KREMEN1: variants seen among roughly 807,000 people sequenced by gnomAD.
The protein encoded by KREMEN1 is kringle containing transmembrane protein 1, also known as kremen protein 1.
KREMEN1 carries 30 observed loss-of-function variants against 46.5 expected under a neutral mutation model. The observed-to-expected ratio is 0.65, with a 90% CI of 0.48 to 0.88. KREMEN1 has a LOEUF of 0.88. Among genes scored for constraint, KREMEN1 ranks in the 40% least tolerant of loss-of-function variants. The pLI, the probability that KREMEN1 is intolerant of heterozygous loss-of-function variation, is 0.00. For missense variants in KREMEN1, 533 were observed against 596.9 expected, an observed-to-expected ratio of 0.89 and a Z score of 1.11; for synonymous variants, 214 against 230.6, an observed-to-expected ratio of 0.93 and a Z score of 0.65.
chr22:29,117,640 C>T (rs1234477626), intron 3 of KREMEN1, among the ~76,000 whole-genome samples: 2 of 151,906 alleles, frequency 1.3e-5, no homozygotes, highest in African/African-American at 4.8e-5. Flanking sequence ...TAACTCTCAG[C>T]TGACCTAGAA....
chr22:29,115,519 A>G lies in KREMEN1; in HGVS notation c.353-5838A>G, dbSNP rs189148126. ...CACAGGAAGTGCTTGTTCATTCAGC[A>G]TATAGTCCTAGAGCACCTGCTTTGT... On this transcript the variant is annotated intron_variant, in intron 3 of 8. Coordinates refer to ENST00000400335, the MANE Select transcript of KREMEN1 (RefSeq NM_001039570.3). 8.1e-4 allele frequency among the ~76,000 whole-genome samples: 123 copies of G among 152,262 alleles called. 1 individual carries two copies. The highest frequency in any genetic ancestry group is 2.8e-3 in the African/African-American group (115 of 41,540).
At chr22:29,147,680 C>T (rs1350567321), downstream of KREMEN1, among the ~76,000 whole-genome samples, 1 of 152,158 alleles carries the variant, frequency 6.6e-6, no homozygotes, top group Non-Finnish European at 1.5e-5. Flanking sequence ...GGGGTAAGAC[C>T]GAGGGCAAGG....
At chr22:29,118,533 A>G (rs1025359275) in intron 3 of KREMEN1, among the ~76,000 whole-genome samples, 3 of 152,156 alleles carry the variant, frequency 2.0e-5, no homozygotes, top group African/African-American at 7.2e-5. Flanking sequence ...CTGGTGACTC[A>G]GTGCCTGGTG....
intron 3 of KREMEN1, among the ~76,000 whole-genome samples, chr22:29,119,603 G>T (rs1285896082): frequency 6.6e-6 from 1 of 152,196 alleles, no homozygotes; most frequent in African/African-American, 2.4e-5. Context: ...CTCTGTGCCA[G>T]GGCAGAGACC....
In KREMEN1 at chr22:29,116,866, A is replaced by G. The variant is rs755991972; in HGVS notation, c.353-4491A>G. 2.3e-4 allele frequency among the ~76,000 whole-genome samples: 35 copies of G among 152,298 alleles called. No individual in the cohort carries two copies. The Middle Eastern group carries it at 0.01, about 44-fold the overall frequency. On this transcript the variant is annotated intron_variant, in intron 3 of 8. Transcript: ENST00000400335. Reference sequence around the variant, plus strand: ...GTTGTTTAAACCCTAAAACCCAGACATTTCCAAGCCAGGCCCCTCCACCCC... The same window carrying G: ...GTTGTTTAAACCCTAAAACCCAGACGTTTCCAAGCCAGGCCCCTCCACCCC...
chr22:29,137,476 T>C lies in KREMEN1; in HGVS notation c.766T>C (p.Phe256Leu). Reference protein sequence around the residue: ...IRVPGASHIHFSFPLFDIRDS... With the variant: ...IRVPGASHIHLSFPLFDIRDS... ...GGTTCCGGGGGCCTCCCACATCCAC[T>C]TCAGCTTCCCCCTATTTGACATCAG... The change falls in exon 6 of 9, where the codon TTC (phenylalanine) becomes CTC (leucine). Residue 256 changes from phenylalanine (F) to leucine (L), a missense_variant. Phe to Leu is a conservative substitution (Grantham distance 22). Coordinates refer to ENST00000400335, the MANE Select transcript of KREMEN1 (RefSeq NM_001039570.3). 5 of 1,607,810 alleles carry C rather than the reference T, an allele frequency of 3.1e-6. No homozygotes were observed. The highest frequency in any genetic ancestry group is 4.3e-6 in the Non-Finnish European group (5 of 1,174,736).
chr22:29,133,341 C>G (rs1284792074), intron 5 of KREMEN1, among the ~76,000 whole-genome samples: 3 of 151,644 alleles, frequency 2.0e-5, no homozygotes, highest in Non-Finnish European at 4.4e-5. Flanking sequence ...ACTCTGTCAC[C>G]CAGGCTAGAG....
At position 29,073,698 on chromosome 22, in the gene KREMEN1, G is replaced by A. The variant is rs1359599824; in HGVS notation, c.97+471G>A. ...GGGCCGGGACGTCCTCTGCTCCCCG[G>A]TACCTCCTAGGATCCCGTCCCAAAA... On this transcript the variant is annotated intron_variant, in intron 1 of 8. Transcript: ENST00000400335. This position sits in a 1 kb window ranked among gnomAD's most constrained non-coding sequence, Gnocchi z 4.4. 1.4e-5 allele frequency among the ~76,000 whole-genome samples: 2 copies of A among 147,956 alleles called. No homozygotes were observed. Among genetic ancestry groups the A allele is most frequent in the African/African-American group, 5.0e-5 (2 of 39,662 alleles).
intron 3 of KREMEN1, among the ~76,000 whole-genome samples, chr22:29,119,030 A>T (rs1039926960): frequency 6.6e-6 from 1 of 152,090 alleles, no homozygotes; most frequent in Non-Finnish European, 1.5e-5. Flanking sequence ...ACTCAGGGAA[A>T]CACACTTACC....
At chr22:29,103,382 A>G (rs1281904307) in intron 3 of KREMEN1, among the ~76,000 whole-genome samples, 3 of 151,862 alleles carry the variant, frequency 2.0e-5, no homozygotes, top group Non-Finnish European at 4.4e-5. Flanking sequence ...GTGTAGAGCT[A>G]CAACAAGCAG....
At chr22:29,141,279 CTGTGTCTGTGTGTG>C (rs762642899) in intron 8 of KREMEN1, among the ~76,000 whole-genome samples, 3,624 of 147,506 alleles carry the variant, frequency 0.025, 141 homozygotes, top group African/African-American at 0.085. Context: ...GTGTGTGTGT[CTGTGTCTGTGTGTG>C]TGTGTCTGTG....
At chr22:29,152,976 T>C (rs953123928) in intron 9 of KREMEN1, among the ~76,000 whole-genome samples, 1 of 152,232 alleles carries the variant, frequency 6.6e-6, no homozygotes, top group Non-Finnish European at 1.5e-5. Context: ...TTCTTGATGA[T>C]ATACTAAACA....
chr22:29,094,754 G>GCT (rs2145763759), intron 2 of KREMEN1, among the ~76,000 whole-genome samples: 1 of 151,888 alleles, frequency 6.6e-6, no homozygotes, highest in Non-Finnish European at 1.5e-5. Flanking sequence ...CTCCCGAGTA[G>GCT]CTGGGACTAC....
chr22:29,077,356 T>C (rs1407516746), intron 1 of KREMEN1, among the ~76,000 whole-genome samples: 1 of 152,224 alleles, frequency 6.6e-6, no homozygotes, highest in East Asian at 1.9e-4. Context: ...TATTTTTATT[T>C]ATTTTTTTAA....
At chr22:29,134,409 G>A (rs2038623516) in intron 5 of KREMEN1, among the ~76,000 whole-genome samples, 1 of 151,894 alleles carries the variant, frequency 6.6e-6, no homozygotes, top group South Asian at 2.1e-4. Context: ...CTCCTCCCGT[G>A]GCCCCTCAAA....
At chr22:29,108,085 A>T (rs134679) in intron 3 of KREMEN1, among the ~76,000 whole-genome samples, 81,255 of 152,138 alleles carry the variant, frequency 0.53, 22,330 homozygotes, top group Middle Eastern at 0.64. Context: ...CACGAGTTCA[A>T]CGCCAGCCTG....
At chr22:29,157,616 G>A (rs543393271) in intron 9 of KREMEN1, among the ~76,000 whole-genome samples, 118 of 152,348 alleles carry the variant, frequency 7.7e-4, no homozygotes, top group Non-Finnish European at 1.4e-3. Context: ...GGGATTACAG[G>A]TGTGAGCCAC....
intron 3 of KREMEN1, among the ~76,000 whole-genome samples, chr22:29,100,884 G>GT (rs1416645300): frequency 6.6e-6 from 1 of 152,044 alleles, no homozygotes; most frequent in African/African-American, 2.4e-5. Context: ...TTGTGTCTTA[G>GT]TTTTTTTAAA....
downstream of KREMEN1, among the ~76,000 whole-genome samples, chr22:29,149,351 C>CG (rs1352114824): frequency 6.6e-6 from 1 of 151,932 alleles, no homozygotes; most frequent in African/African-American, 2.4e-5. Context: ...TTAGTAGAGA[C>CG]GGGGTTTCAC....
Sources: gnomAD v4.1 joint callset for allele counts (sites outside exome capture counted in the v4.1 genomes callset) on GRCh38, gnomAD v4.1.1 for gene constraint, Gnocchi (gnomAD v3.1) non-coding constraint, MANE v1.5 for transcripts, NCBI Gene and HGNC (gene_info 2026-07-23, HGNC 2026-07-21) for gene names.